MUC5B: variants seen among roughly 807,000 people sequenced by gnomAD.
The protein encoded by MUC5B is mucin-5B.
A neutral mutation model predicts 376.9 loss-of-function variants in MUC5B; 116 were observed. The ratio of observed to expected loss-of-function variants is 0.31; its 90% confidence interval spans 0.26 to 0.36. MUC5B has a LOEUF of 0.36. MUC5B is among the 10% of genes least tolerant of loss of function. MUC5B has a pLI of 1.00. For missense variants in MUC5B, 7,165 were observed against 7,769.9 expected (o/e 0.92, Z 2.93); for synonymous variants, 3,517 against 3,390.9 (o/e 1.04, Z -1.29).
rs199853031 is a variant in MUC5B, at chr11:1,241,781, C to A, written c.4901C>A (p.Thr1634Lys). ...TQALFSTPQP[T>K]SSPGLTRAPP... Reference sequence around the variant, plus strand: ...GCCCTGTTCTCAACGCCGCAGCCTACGAGTAGCCCGGGGCTGACCAGGGCT... The same window carrying A: ...GCCCTGTTCTCAACGCCGCAGCCTAAGAGTAGCCCGGGGCTGACCAGGGCT... The change falls in exon 31 of 49, where the codon ACG (threonine) becomes AAG (lysine). Residue 1634 changes from threonine (T) to lysine (K), a missense_variant. Thr to Lys is a moderately conservative substitution (Grantham distance 78). Coordinates refer to ENST00000529681, the MANE Select transcript of MUC5B (RefSeq NM_002458.3). 4 of 1,612,132 alleles carry A rather than the reference C, an allele frequency of 2.5e-6. No individual in the cohort carries two copies. Among genetic ancestry groups the A allele is most frequent in the Admixed American group, 1.7e-5 (1 of 59,856 alleles).
chr11:1,251,552 C>T lies in MUC5B; in HGVS notation c.14672C>T (p.Ala4891Val). ...TTMATMPTAT[A>V]STVPSSSTVG... The stretch of plus-strand genomic sequence containing the variant: ...ATGGCCACTATGCCCACAGCCACTG[C>T]CTCCACGGTTCCCAGCTCGTCCACC... Residue 4891 changes from alanine to valine, a missense_variant, in exon 31 of 49, where the codon GCC (alanine) becomes GTC (valine). Physicochemically the swap from Ala to Val is moderately conservative, Grantham distance 64 (BLOSUM62 0). Coordinates refer to ENST00000529681, the MANE Select transcript of MUC5B (RefSeq NM_002458.3). 2 of 1,607,194 alleles carry T rather than the reference C, an allele frequency of 1.2e-6. No individual in the cohort carries two copies. Among genetic ancestry groups the T allele is most frequent in the South Asian group, 1.1e-5 (1 of 90,942 alleles).
chr11:1,239,301 C>A, intron 26 of MUC5B, 137 bp from the exon 27 acceptor site: 2 of 1,198,072 alleles, frequency 1.7e-6, no homozygotes, highest in Non-Finnish European at 1.1e-6. Context: ...ACCACCCGGC[C>A]GAGGCCCTGC....
At chr11:1,239,260 C>G (rs1249030322) in intron 26 of MUC5B, 178 bp from the exon 27 acceptor site, 6 of 939,536 alleles carry the variant, frequency 6.4e-6, no homozygotes, top group Non-Finnish European at 7.9e-6. Context: ...GTTCCAAGGG[C>G]AGGGCTGGGG....
In MUC5B at chr11:1,246,253, C is replaced by A. The variant is rs865868210; in HGVS notation, c.9373C>A (p.Pro3125Thr). Residue 3125 changes from proline (P) to threonine (T), a missense_variant, in exon 31 of 49, where the codon CCC (proline) becomes ACC (threonine). Physicochemically the swap from Pro to Thr is conservative, Grantham distance 38. Coordinates refer to ENST00000529681, the MANE Select transcript of MUC5B (RefSeq NM_002458.3). ...AAGGGCCACCAGTTCCATGTCCACC[C>A]CCTCCTCCACTCCGGGGACGACCTG... is the stretch of plus-strand genomic sequence containing the variant. Reference protein sequence around the residue: ...TTRATSSMSTPSSTPGTTWIL... With the variant: ...TTRATSSMSTTSSTPGTTWIL... 1.4e-5 allele frequency: 23 copies of A among 1,612,940 alleles called. No homozygotes were observed. The Middle Eastern group carries it at 2.0e-3, about 139-fold the overall frequency.
rs1862869674 is a variant in MUC5B at position 1,257,436 on chromosome 11, G to A, written c.16270-94G>A. 7 of 1,474,364 alleles carry A rather than the reference G, an allele frequency of 4.7e-6. No homozygotes were observed. Among genetic ancestry groups the A allele is most frequent in the African/African-American group, 4.2e-5 (3 of 72,156 alleles). The allele number at this position is 1,474,364 out of a possible 1,614,324, so 91.3% of individuals were successfully genotyped here. On this transcript the variant is annotated intron_variant, in intron 40 of 48. Transcript: ENST00000529681. This position sits in a 1 kb window ranked among gnomAD's most constrained non-coding sequence, Gnocchi z 8.9. ...CTGCCCCATCACTCTGGGCCACTCG[G>A]GTACCAGCCCGAGGGAGGGGGTGGC... is the stretch of plus-strand genomic sequence containing the variant.
chr11:1,261,536 C>A lies in MUC5B; in HGVS notation c.17217C>A (p.Pro5739=), dbSNP rs1052663. Residue 5739 remains proline, a synonymous_variant, in exon 49 of 49, where the codon CCC becomes CCA. Coordinates refer to ENST00000529681, the MANE Select transcript of MUC5B (RefSeq NM_002458.3). ...ACGTGGATGAGTGTGGCTGCACGCC[C>A]TTCTGTGTCCCTGCGCCCATGGCTC... ...YTHVDECGCT[P]FCVPAPMAPP... 1 of 1,608,082 alleles carries A rather than the reference C, an allele frequency of 6.2e-7. No homozygotes were observed. The highest frequency in any genetic ancestry group is 2.2e-5 in the East Asian group (1 of 44,596).
In MUC5B at chr11:1,242,755, C is replaced by A. The variant is rs756736057; in HGVS notation, c.5875C>A (p.Pro1959Thr). ...TSSKATPSSS[P>T]GTATALPALR... ...CTCCAAAGCCACTCCCTCCTCCAGT[C>A]CAGGGACTGCAACCGCCCTTCCAGC... Residue 1959 changes from proline to threonine, a missense_variant, in exon 31 of 49, where the codon CCA becomes ACA. By Grantham distance (38) the Pro-to-Thr change is conservative (BLOSUM62 -1). This residue lies in a region of MUC5B where 897 missense variants were observed against 779.6 expected (regional missense o/e 1.15). Coordinates refer to ENST00000529681, the MANE Select transcript of MUC5B (RefSeq NM_002458.3). 2.5e-6 allele frequency: 4 copies of A among 1,613,510 alleles called. No homozygotes were observed. In the South Asian group the frequency reaches 3.3e-5, roughly 13 times the overall value.
intron 48 of MUC5B, among the ~76,000 whole-genome samples, chr11:1,261,030 C>T (rs1041204090): frequency 6.6e-6 from 1 of 152,220 alleles, no homozygotes; most frequent in Non-Finnish European, 1.5e-5. Flanking sequence ...TCTGTGAAGC[C>T]CCCCATGGCT....
rs993091673 is a variant in MUC5B at position 1,261,583 on chromosome 11, C to T, written c.17264C>T (p.Pro5755Leu). Reference sequence around the variant, plus strand: ...GCTCCCCCACACACCCGTGGCTTCCCGGCCCAGGAGGCCACTGCTGTCTGA... The same window carrying T: ...GCTCCCCCACACACCCGTGGCTTCCTGGCCCAGGAGGCCACTGCTGTCTGA... ...PMAPPHTRGFPAQEATAV is the reference protein window; with the variant it reads ...PMAPPHTRGFLAQEATAV Residue 5755 changes from proline (P) to leucine (L), a missense_variant, in exon 49 of 49, where the codon CCG becomes CTG. Around this residue, in one of 31 missense-constraint regions of MUC5B, gnomAD observed 842 missense variants for 1,016.9 expected, o/e 0.83. Transcript: ENST00000529681. 30 of 1,606,840 alleles carry T rather than the reference C, an allele frequency of 1.9e-5. No homozygotes were observed. Among genetic ancestry groups the T allele is most frequent in the Middle Eastern group, 1.6e-4 (1 of 6,078 alleles).
In MUC5B at chr11:1,250,691, C is replaced by T. The variant is rs371969141; in HGVS notation, c.13811C>T (p.Thr4604Ile). 6.2e-6 allele frequency: 10 copies of T among 1,612,998 alleles called. No individual in the cohort carries two copies. The African/African-American group carries it at 6.7e-5, about 11-fold the overall frequency. The change falls in exon 31 of 49, where the codon ACC (threonine) becomes ATC (isoleucine). Residue 4604 changes from threonine (T) to isoleucine (I), a missense_variant. Around this residue, in one of 31 missense-constraint regions of MUC5B, gnomAD observed 730 missense variants for 592.7 expected, o/e 1.23. Transcript: ENST00000529681. Reference sequence around the variant, plus strand: ...ACCACAACCACGGGCTTCACAGCCACCCCCTCCTCCAGCCCAGGGACGGCA... The same window carrying T: ...ACCACAACCACGGGCTTCACAGCCATCCCCTCCTCCAGCCCAGGGACGGCA... ...PTTTTTGFTA[T>I]PSSSPGTALT...
In MUC5B at chr11:1,236,783, A is replaced by C. The variant is rs996254744; in HGVS notation, c.3058-142A>C. ...ACCCACTGCACACCTGTCTCCTACAAGTTCACCAGGCACTGCCTGGGGAAC... is the reference window on the plus strand; with the variant it reads ...ACCCACTGCACACCTGTCTCCTACACGTTCACCAGGCACTGCCTGGGGAAC... On this transcript the variant is annotated intron_variant, in intron 24 of 48. Transcript: ENST00000529681. The C allele has an allele frequency of 2.1e-5, 25 of 1,163,726 alleles. No individual in the cohort carries two copies. In the African/African-American group the frequency reaches 3.0e-4, roughly 14 times the overall value. 72.1% of individuals were successfully genotyped at this position (1,163,726 alleles called of 1,614,324 possible). A position where few individuals can be genotyped will look rare whatever the true frequency, so the allele number is the denominator to read the frequency against.
Position 1,246,584 on chromosome 11 carries a change from C to T in MUC5B, c.9704C>T (p.Thr3235Ile), listed in dbSNP as rs765416212. 3.7e-6 allele frequency: 6 copies of T among 1,613,398 alleles called. No individual in the cohort carries two copies. In the South Asian group the frequency reaches 6.6e-5, roughly 18 times the overall value. ...AGCACAGCCACCACACCCACAGCTA[C>T]CAGCGTTACAGCCATCCCCTCTTCC... ...LRSTATTPTA[T>I]SVTAIPSSSL... The change falls in exon 31 of 49, where the codon ACC becomes ATC. Residue 3235 changes from threonine to isoleucine, a missense_variant. Thr to Ile is a moderately conservative substitution (Grantham distance 89). This residue lies in a region of MUC5B where 939 missense variants were observed against 770.6 expected (regional missense o/e 1.22). Coordinates refer to ENST00000529681, the MANE Select transcript of MUC5B (RefSeq NM_002458.3).
rs759250113 is a variant in MUC5B, at chr11:1,234,698, C to T, written c.2630+18C>T. 1.6e-5 allele frequency: 14 copies of T among 871,006 alleles called. No homozygotes were observed. The highest frequency in any genetic ancestry group is 1.5e-4 in the East Asian group (2 of 13,426). The allele number at this position is 871,006 out of a possible 1,614,324, so 54.0% of individuals were successfully genotyped here. ...AACACCTGGTGGGTCGTGAGTCTCT[C>T]GGAGGCAGCAGGTGGGGAGGGCGGG... is the stretch of plus-strand genomic sequence containing the variant. On this transcript the variant is annotated intron_variant, in intron 21 of 48. Coordinates refer to ENST00000529681, the MANE Select transcript of MUC5B (RefSeq NM_002458.3). The surrounding 1 kb of genome is among the most constrained non-coding windows in gnomAD (Gnocchi z 6.3).
intron 31 of MUC5B, 85 bp from the exon 32 acceptor site, chr11:1,252,258 G>C: frequency 7.4e-7 from 1 of 1,354,376 alleles, no homozygotes; most frequent in Non-Finnish European, 1.0e-6. Flanking sequence ...TCCCTCCTGC[G>C]CTGACCTCTG....
chr11:1,260,416 C>T lies in MUC5B; in HGVS notation c.16966+23C>T. The T allele has an allele frequency of 2.5e-6, 4 of 1,612,122 alleles. No homozygotes were observed. The South Asian group carries it at 3.3e-5, about 13-fold the overall frequency. On this transcript the variant is annotated intron_variant, in intron 47 of 48. Coordinates refer to ENST00000529681, the MANE Select transcript of MUC5B (RefSeq NM_002458.3). Reference sequence around the variant, plus strand: ...AGGGTAAGTGGAAGCCACCTTCCCACACCAGCCCTCCAGCTCCAGCCCGTC... The same window carrying T: ...AGGGTAAGTGGAAGCCACCTTCCCATACCAGCCCTCCAGCTCCAGCCCGTC...
In MUC5B at chr11:1,223,771, C is replaced by T. The variant is rs542700390; in HGVS notation, c.70+578C>T. On this transcript the variant is annotated intron_variant, in intron 1 of 48. Coordinates refer to ENST00000529681, the MANE Select transcript of MUC5B (RefSeq NM_002458.3). Reference sequence around the variant, plus strand: ...CCGCACGGGCTGCCTGGCTCTCAGCCGAGCGTTTTCCCTCGTCTGCTGTCT... The same window carrying T: ...CCGCACGGGCTGCCTGGCTCTCAGCTGAGCGTTTTCCCTCGTCTGCTGTCT... Among the ~76,000 whole-genome samples the T allele has an allele frequency of 5.3e-5, 8 of 152,350 alleles. No individual in the cohort carries two copies. The South Asian group carries it at 6.2e-4, about 12-fold the overall frequency.
In MUC5B at chr11:1,250,421, C is replaced by A. The variant is rs745516000; in HGVS notation, c.13541C>A (p.Ala4514Asp). The change falls in exon 31 of 49, where the codon GCC becomes GAC. Residue 4514 changes from alanine (A) to aspartate (D), a missense_variant. Physicochemically the swap from Ala to Asp is moderately radical, Grantham distance 126 (BLOSUM62 -2). Transcript: ENST00000529681. ...GCCCTTCCAGCACTGAGAAGCACAG[C>A]CACCACACCCACAGCTACCAGCTTT... ...ATALPALRST[A>D]TTPTATSFTA... 17 of 1,595,800 alleles carry A rather than the reference C, an allele frequency of 1.1e-5. 2 individuals are homozygous for A. Among genetic ancestry groups the A allele is most frequent in the Non-Finnish European group, 1.4e-5 (16 of 1,164,632 alleles).
chr11:1,256,498 A>ACC (rs56052035), intron 38 of MUC5B, 173 bp from the exon 39 acceptor site: 2 of 35,050 alleles, frequency 5.7e-5, no homozygotes, highest in African/African-American at 5.3e-4. Context: ...AGCCCCGCCC[A>ACC]CCCCCACCCC....
chr11:1,234,456 C>T lies in MUC5B; in HGVS notation c.2479-73C>T. ...TTGCCCTGGGTGCTGCTGGGTGCGC[C>T]TGTCCCAGAGGGTGAGTGACATCTG... On this transcript the variant is annotated intron_variant, in intron 20 of 48. Coordinates refer to ENST00000529681, the MANE Select transcript of MUC5B (RefSeq NM_002458.3). This position sits in a 1 kb window ranked among gnomAD's most constrained non-coding sequence, Gnocchi z 6.3. 6.5e-7 allele frequency: 1 copy of T among 1,532,562 alleles called. No homozygotes were observed. The highest frequency in any genetic ancestry group is 8.8e-7 in the Non-Finnish European group (1 of 1,135,366). 94.9% of individuals were successfully genotyped at this position (1,532,562 alleles called of 1,614,324 possible).
Sources: gnomAD v4.1 joint callset for allele counts (sites outside exome capture counted in the v4.1 genomes callset) on GRCh38, gnomAD v4.1.1 for gene constraint, gnomAD v4.1.1 regional missense constraint, Gnocchi (gnomAD v3.1) non-coding constraint, MANE v1.5 for transcripts, NCBI Gene and HGNC (gene_info 2026-07-23, HGNC 2026-07-21) for gene names.